The following EFL1 variants were observed in gnomAD, a reference collection of about 807,000 sequenced individuals.
EFL1 encodes elongation factor like GTPase 1, also known as elongation factor-like GTPase 1.
A neutral mutation model predicts 126.7 loss-of-function variants in EFL1; 76 were observed. The observed-to-expected ratio is 0.60, with a 90% CI of 0.50 to 0.73. The LOEUF is 0.73. EFL1 is among the 30% of genes least tolerant of loss of function. The probability of loss-of-function intolerance (pLI) is 0.00; values close to 1 mark genes in which losing one functional copy is unlikely to be tolerated. For missense variants in EFL1, 1,128 were observed against 1,343.2 expected (o/e 0.84, Z 2.50); for synonymous variants, 410 against 448.4 (o/e 0.91, Z 1.08).
intron 19 of EFL1, among the ~76,000 whole-genome samples, chr15:82,137,975 CT>C (rs2073739878): frequency 6.6e-6 from 1 of 152,166 alleles, no homozygotes; most frequent in Non-Finnish European, 1.5e-5. Flanking sequence ...TTTTCTCTAA[CT>C]TAACAATGTG....
rs146637950 is a variant in EFL1 at position 82,221,389 on chromosome 15, G to C, written c.1293-1160C>G. Among the ~76,000 whole-genome samples, 1,051 of 152,214 alleles carry C rather than the reference G, an allele frequency of 6.9e-3. 10 individuals carry two copies. The highest frequency in any genetic ancestry group is 8.2e-3 in the Non-Finnish European group (555 of 68,018). Reference sequence around the variant, plus strand: ...CTTCCAAATGGCCACAGACCCTTAGGGCTCCTGATGCAAAGTGGCCTAACT... The same window carrying C: ...CTTCCAAATGGCCACAGACCCTTAGCGCTCCTGATGCAAAGTGGCCTAACT... On this transcript the variant is annotated intron_variant, in intron 12 of 19. Coordinates refer to ENST00000268206, the MANE Select transcript of EFL1 (RefSeq NM_024580.6).
intron 4 of EFL1, among the ~76,000 whole-genome samples, chr15:82,241,815 G>A (rs2074934061): frequency 6.6e-6 from 1 of 152,090 alleles, no homozygotes; most frequent in Non-Finnish European, 1.5e-5. Flanking sequence ...CTGTTCAAAG[G>A]GCCAACAAAG....
At chr15:82,207,317 CAT>C (rs1555429172) in intron 15 of EFL1, among the ~76,000 whole-genome samples, 2 of 149,368 alleles carry the variant, frequency 1.3e-5, no homozygotes, top group Admixed American at 6.7e-5. Context: ...TACACACACA[CAT>C]ATAACATATA....
intron 17 of EFL1, among the ~76,000 whole-genome samples, chr15:82,154,435 A>G (rs1021351086): frequency 2.1e-4 from 32 of 152,208 alleles, no homozygotes; most frequent in Admixed American, 5.2e-4. Context: ...TACTACCAAA[A>G]GGTAGGCTCT....
intron 18 of EFL1, among the ~76,000 whole-genome samples, chr15:82,144,964 G>GTGCT (rs2073827361): frequency 1.3e-5 from 2 of 150,898 alleles, no homozygotes; most frequent in Non-Finnish European, 2.9e-5. Flanking sequence ...CTGTACTCCA[G>GTGCT]CTGGGCAACA....
At chr15:82,232,697 G>A (rs2074834645) in intron 7 of EFL1, among the ~76,000 whole-genome samples, 7 of 152,226 alleles carry the variant, frequency 4.6e-5, no homozygotes, top group Admixed American at 3.3e-4. Context: ...CATAATCTGA[G>A]CTAAAGCTTT....
At chr15:82,150,936 A>G (rs2073899727) in intron 18 of EFL1, among the ~76,000 whole-genome samples, 1 of 152,234 alleles carries the variant, frequency 6.6e-6, no homozygotes, top group South Asian at 2.1e-4. Context: ...CATTACGGAA[A>G]GGATTCTATT....
At chr15:82,240,273 G>C (rs1320873554) in intron 6 of EFL1, 145 bp downstream of exon 6, 2 of 727,092 alleles carry the variant, frequency 2.8e-6, no homozygotes, top group Non-Finnish European at 4.4e-6. Context: ...TTTTTCTATT[G>C]CCTCTCTTGT....
In EFL1 at chr15:82,252,706, G is replaced by A. The variant is rs1445432548; in HGVS notation, c.229C>T (p.Leu77=). 1 of 1,612,412 alleles carries A rather than the reference G, an allele frequency of 6.2e-7. No individual in the cohort carries two copies. Among genetic ancestry groups the A allele is most frequent in the South Asian group, 1.1e-5 (1 of 90,962 alleles). ...ACTGATTTACCTGTTGCATAATGTAGGGAAATGGCACTGGATTTCATAGTG... is the reference window on the plus strand; with the variant it reads ...ACTGATTTACCTGTTGCATAATGTAAGGAAATGGCACTGGATTTCATAGTG... ...GITMKSSAIS[L]HYATGNEEYL... Residue 77 remains leucine (L), a synonymous_variant, in exon 4 of 20, where the codon CTA becomes TTA. Coordinates refer to ENST00000268206, the MANE Select transcript of EFL1 (RefSeq NM_024580.6).
intron 15 of EFL1, chr15:82,174,211 T>C (rs960552486): frequency 6.6e-6 from 1 of 151,948 alleles, no homozygotes; most frequent in Non-Finnish European, 1.5e-5. Flanking sequence ...AAAAACCATT[T>C]ATGTCAGGGG....
chr15:82,238,234 A>G, intron 7 of EFL1, 73 bp downstream of exon 7: 1 of 1,489,332 alleles, frequency 6.7e-7, no homozygotes, highest in Non-Finnish European at 9.1e-7. Flanking sequence ...ATCTCAAAAT[A>G]AAAGTTTCAC....
At chr15:82,209,004 T>C (rs1272319349) in intron 15 of EFL1, among the ~76,000 whole-genome samples, 1 of 151,934 alleles carries the variant, frequency 6.6e-6, no homozygotes, top group Non-Finnish European at 1.5e-5. Flanking sequence ...AAAAAGAGAA[T>C]AAAATCATTA....
chr15:82,204,969 G>A (rs1343411714), intron 15 of EFL1, among the ~76,000 whole-genome samples: 1 of 152,170 alleles, frequency 6.6e-6, no homozygotes, highest in Non-Finnish European at 1.5e-5. Flanking sequence ...ACCTGAAATA[G>A]GATTAGTAGG....
intron 19 of EFL1, among the ~76,000 whole-genome samples, chr15:82,131,441 G>A (rs1430222318): frequency 6.6e-6 from 1 of 152,132 alleles, no homozygotes; most frequent in Admixed American, 6.5e-5. Flanking sequence ...ACAGGTGCAT[G>A]CCACCATGCC....
chr15:82,215,936 G>C (rs2074641135), intron 14 of EFL1, among the ~76,000 whole-genome samples: 2 of 151,928 alleles, frequency 1.3e-5, no homozygotes, highest in African/African-American at 4.8e-5. Flanking sequence ...AAAATTATAA[G>C]AACTGAATAG....
intron 12 of EFL1, among the ~76,000 whole-genome samples, chr15:82,221,851 G>C (rs1433125172): frequency 6.6e-6 from 1 of 152,192 alleles, no homozygotes; most frequent in Non-Finnish European, 1.5e-5. Context: ...CATGGCCGCA[G>C]TTCTCTCCTC....
intron 17 of EFL1, among the ~76,000 whole-genome samples, chr15:82,156,922 A>C (rs553421087): frequency 2.6e-5 from 4 of 152,342 alleles, no homozygotes; most frequent in Non-Finnish European, 4.4e-5. Flanking sequence ...CAAAGTTGGC[A>C]AAAGTTTGAG....
intron 14 of EFL1, among the ~76,000 whole-genome samples, chr15:82,219,032 T>G (rs1474075722): frequency 2.6e-5 from 4 of 152,202 alleles, no homozygotes; most frequent in Non-Finnish European, 4.4e-5. Flanking sequence ...CCAGACTGGC[T>G]GCTTGGACCT....
At chr15:82,199,938 C>G (rs2074449533) in intron 15 of EFL1, among the ~76,000 whole-genome samples, 1 of 152,080 alleles carries the variant, frequency 6.6e-6, no homozygotes, top group East Asian at 1.9e-4. Context: ...AGTGACAGAA[C>G]CAGATTCAAA....
Sources: allele counts gnomAD v4.1 joint callset (sites outside exome capture counted in the v4.1 genomes callset), GRCh38; gene constraint gnomAD v4.1.1; transcripts MANE v1.5; gene names NCBI Gene and HGNC (gene_info 2026-07-23, HGNC 2026-07-21).